Variants in F10 observed in about 807,000 individuals in gnomAD.
F10 encodes Stuart-Prower factor.
F10 carries 29 observed loss-of-function variants against 37.1 expected under a neutral mutation model. The observed-to-expected ratio is 0.78, with a 90% CI of 0.58 to 1.07. The LOEUF (loss-of-function observed/expected upper bound fraction) is 1.07, where lower values mean the gene tolerates loss of function less well. Among genes scored for constraint, F10 ranks in the 50% least tolerant of loss-of-function variants. The pLI is 0.00. For missense variants in F10, 539 were observed against 667.9 expected, an observed-to-expected ratio of 0.81 and a Z score of 2.13; for synonymous variants, 262 against 268.6, an observed-to-expected ratio of 0.98 and a Z score of 0.24.
At chr13:113,136,795 C>T (rs1162252553) in intron 2 of F10, among the ~76,000 whole-genome samples, 1 of 41,634 alleles carries the variant, frequency 2.4e-5, no homozygotes, top group African/African-American at 5.7e-5. Context: ...GGACTACAGG[C>T]GCCCGCCACT....
intron 2 of F10, among the ~76,000 whole-genome samples, chr13:113,134,328 C>A (rs1413745784): frequency 6.6e-6 from 1 of 152,176 alleles, no homozygotes; most frequent in Non-Finnish European, 1.5e-5. Context: ...CTACCCGAGA[C>A]TGGGTAATTT....
At chr13:113,126,797 C>CT (rs2036375013) in intron 1 of F10, among the ~76,000 whole-genome samples, 1 of 152,204 alleles carries the variant, frequency 6.6e-6, no homozygotes, top group Non-Finnish European at 1.5e-5. Flanking sequence ...GCTTGGATAA[C>CT]TTGTCTGAGG....
At chr13:113,135,395 G>A (rs1204752804) in intron 2 of F10, among the ~76,000 whole-genome samples, 1 of 152,202 alleles carries the variant, frequency 6.6e-6, no homozygotes, top group Non-Finnish European at 1.5e-5. Flanking sequence ...AGGCTGGGAA[G>A]TCCTCCAAGA....
chr13:113,134,427 G>A (rs1269596068), intron 2 of F10, among the ~76,000 whole-genome samples: 2 of 152,162 alleles, frequency 1.3e-5, no homozygotes, highest in Non-Finnish European at 2.9e-5. Context: ...GGAAGCAAAC[G>A]TGCTCTTCTT....
Position 113,147,471 on chromosome 13 carries a change from A to C in F10, c.840A>C (p.Gln280His), listed in dbSNP as rs1337370380. 1 of 1,613,628 alleles carries C rather than the reference A, an allele frequency of 6.2e-7. No homozygotes were observed. Among genetic ancestry groups the C allele is most frequent in the South Asian group, 1.1e-5 (1 of 91,082 alleles). Reference protein sequence around the residue: ...YILTAAHCLYQAKRFKVRVGD... With the variant: ...YILTAAHCLYHAKRFKVRVGD... ...TAACGGCAGCCCACTGTCTCTACCAAGCCAAGAGATTCAAGGTGAGGGTAG... is the reference window on the plus strand; with the variant it reads ...TAACGGCAGCCCACTGTCTCTACCACGCCAAGAGATTCAAGGTGAGGGTAG... Residue 280 changes from glutamine to histidine, a missense_variant, in exon 7 of 8, where the codon CAA (glutamine) becomes CAC (histidine). Physicochemically the swap from Gln to His is conservative, Grantham distance 24 (BLOSUM62 0). Around this residue, in one of 2 missense-constraint regions of F10, gnomAD observed 409 missense variants for 547.9 expected, o/e 0.75. Transcript: ENST00000375559.
In F10 at chr13:113,129,661, C is replaced by A. The variant is rs797019400; in HGVS notation, c.231+49C>A. 10 of 1,611,050 alleles carry A rather than the reference C, an allele frequency of 6.2e-6. No individual in the cohort carries two copies. In the African/African-American group the frequency reaches 1.1e-4, roughly 17 times the overall value. The stretch of plus-strand genomic sequence containing the variant: ...TGTTGGTAAGGAGCTCAGGCCACAG[C>A]GCCCTCGCTGGCCCCGCTGCTCCGT... On this transcript the variant is annotated intron_variant, in intron 2 of 7. Transcript: ENST00000375559.
At chr13:113,145,488 G>T (rs1222144382) in intron 6 of F10, among the ~76,000 whole-genome samples, 1 of 149,770 alleles carries the variant, frequency 6.7e-6, no homozygotes, top group Non-Finnish European at 1.5e-5. Flanking sequence ...AATACTTTCA[G>T]TGTAAGTATG....
rs568990409 is a variant in F10, at chr13:113,139,690, G to C, written c.370+220G>C. Reference sequence around the variant, plus strand: ...TTCGGTTTGGGGGCATGATGAGAGAGACACAGTCACTTCTCTGCTCCTCCG... The same window carrying C: ...TTCGGTTTGGGGGCATGATGAGAGACACACAGTCACTTCTCTGCTCCTCCG... On this transcript the variant is annotated intron_variant, in intron 4 of 7. Coordinates refer to ENST00000375559, the MANE Select transcript of F10 (RefSeq NM_000504.4). The surrounding 1 kb of genome is among the most constrained non-coding windows in gnomAD (Gnocchi z 5.2). Among the ~76,000 whole-genome samples, 2 of 152,136 alleles carry C rather than the reference G, an allele frequency of 1.3e-5. No individual in the cohort carries two copies. Among genetic ancestry groups the C allele is most frequent in the South Asian group, 4.2e-4 (2 of 4,798 alleles).
chr13:113,145,166 C>T (rs572541505), intron 6 of F10, among the ~76,000 whole-genome samples: 1 of 152,280 alleles, frequency 6.6e-6, no homozygotes, highest in Non-Finnish European at 1.5e-5. Flanking sequence ...AGGCGTGAGA[C>T]AATGTGCCCG....
Position 113,123,045 on chromosome 13 carries a change from G to A in F10, c.70+120G>A, listed in dbSNP as rs1302402406. The A allele has an allele frequency of 9.1e-6, 11 of 1,210,430 alleles. 1 individual carries two copies. The highest frequency in any genetic ancestry group is 1.3e-5 in the Non-Finnish European group (11 of 851,450). The allele number at this position is 1,210,430 out of a possible 1,614,324, so 75.0% of individuals were successfully genotyped here. On this transcript the variant is annotated intron_variant, in intron 1 of 7. Coordinates refer to ENST00000375559, the MANE Select transcript of F10 (RefSeq NM_000504.4). ...GTGGGTGCCTTGAGTGCTGCCAGAGGCTGGGCTCGGATGGCTGGGCTTGGC... is the reference window on the plus strand; with the variant it reads ...GTGGGTGCCTTGAGTGCTGCCAGAGACTGGGCTCGGATGGCTGGGCTTGGC...
At chr13:113,132,109 G>T (rs2036440001) in intron 2 of F10, 1 of 152,256 alleles carries the variant, frequency 6.6e-6, no homozygotes, top group Non-Finnish European at 1.5e-5. Context: ...TTCTGCAAAA[G>T]ATCAAGGTCT....
rs1225184584 is a variant in F10 at position 113,146,592 on chromosome 13, A to C, written c.748-787A>C. Among the ~76,000 whole-genome samples, 1 of 152,222 alleles carries C rather than the reference A, an allele frequency of 6.6e-6. No homozygotes were observed. The highest frequency in any genetic ancestry group is 1.5e-5 in the Non-Finnish European group (1 of 68,036). On this transcript the variant is annotated intron_variant, in intron 6 of 7. Coordinates refer to ENST00000375559, the MANE Select transcript of F10 (RefSeq NM_000504.4). The surrounding 1 kb of genome is among the most constrained non-coding windows in gnomAD (Gnocchi z 4.5). ...GTCTTAGAAAGCCTGACTTTCCCTCATGTAAGCTGGATGATGAGTTGACAA... is the reference window on the plus strand; with the variant it reads ...GTCTTAGAAAGCCTGACTTTCCCTCCTGTAAGCTGGATGATGAGTTGACAA...
chr13:113,129,698 G>C (rs2036409875), intron 2 of F10, 86 bp downstream of exon 2: 1 of 1,581,072 alleles, frequency 6.3e-7, no homozygotes, highest in Non-Finnish European at 8.7e-7. Flanking sequence ...CATCCAGGGG[G>C]GCGGCCTGGA....
chr13:113,123,353 G>A (rs2036338529), intron 1 of F10, among the ~76,000 whole-genome samples: 1 of 152,210 alleles, frequency 6.6e-6, no homozygotes, highest in African/African-American at 2.4e-5. Context: ...CAGCAGAGGA[G>A]CTCCCAGGGA....
Position 113,143,997 on chromosome 13 carries a change from C to T in F10, c.649C>T (p.Leu217=), listed in dbSNP as rs1268800441. The change falls in exon 6 of 8, where the codon CTG becomes TTG. Residue 217 remains leucine (L), a synonymous_variant. Coordinates refer to ENST00000375559, the MANE Select transcript of F10 (RefSeq NM_000504.4). This position sits in a 1 kb window ranked among gnomAD's most constrained non-coding sequence, Gnocchi z 6.8. ...DLDPTENPFD[L]LDFNQTQPER... ...GGACCCCACCGAGAACCCCTTCGACCTGCTTGACTTCAACCAGACGCAGCC... is the reference window on the plus strand; with the variant it reads ...GGACCCCACCGAGAACCCCTTCGACTTGCTTGACTTCAACCAGACGCAGCC... 6.2e-7 allele frequency: 1 copy of T among 1,613,774 alleles called. No homozygotes were observed. Among genetic ancestry groups the T allele is most frequent in the Non-Finnish European group, 8.5e-7 (1 of 1,179,996 alleles).
At chr13:113,142,697 G>A (rs1431284369) in intron 5 of F10, among the ~76,000 whole-genome samples, 2 of 147,918 alleles carry the variant, frequency 1.4e-5, no homozygotes, top group African/African-American at 2.4e-5. Context: ...AAGCCAAGGT[G>A]GGTGGATCAC....
At chr13:113,137,709 G>T (rs2036491973) in intron 2 of F10, among the ~76,000 whole-genome samples, 1 of 152,086 alleles carries the variant, frequency 6.6e-6, no homozygotes, top group Non-Finnish European at 1.5e-5. Flanking sequence ...CGGCAATCAT[G>T]GGCATCCTTG....
intron 1 of F10, among the ~76,000 whole-genome samples, chr13:113,124,165 C>T (rs1004159001): frequency 6.6e-6 from 1 of 151,718 alleles, no homozygotes; most frequent in African/African-American, 2.4e-5. Flanking sequence ...GGCCCTAAGC[C>T]CGGCCCGGGA....
rs145762661 is a variant in F10 at position 113,143,020 on chromosome 13, C to T, written c.503-831C>T. ...TGCACACATGGACAGAGCTGAGGCA[C>T]GGCGGGGTGGAGGCCCCTGCGGCTG... On this transcript the variant is annotated intron_variant, in intron 5 of 7. Transcript: ENST00000375559. This position sits in a 1 kb window ranked among gnomAD's most constrained non-coding sequence, Gnocchi z 6.8. 3.9e-3 allele frequency among the ~76,000 whole-genome samples: 599 copies of T among 152,272 alleles called. 3 individuals carry two copies. Among genetic ancestry groups the T allele is most frequent in the Non-Finnish European group, 6.1e-3 (414 of 68,008 alleles).
Sources: allele counts gnomAD v4.1 joint callset (sites outside exome capture counted in the v4.1 genomes callset), GRCh38; gene constraint gnomAD v4.1.1; regional missense constraint gnomAD v4.1.1; non-coding constraint Gnocchi (gnomAD v3.1); transcripts MANE v1.5; gene names NCBI Gene and HGNC (gene_info 2026-07-23, HGNC 2026-07-21).